KHDRBS3: variants seen among roughly 807,000 people sequenced by gnomAD.
The protein encoded by KHDRBS3 is KH domain-containing, RNA-binding, signal transduction-associated protein 3.
In KHDRBS3, 23 loss-of-function variants were observed where a neutral mutation model predicts 45.6. The ratio of observed to expected loss-of-function variants is 0.50; its 90% CI spans 0.36 to 0.72. The LOEUF is 0.72. Ranked by LOEUF, KHDRBS3 falls within the 30% of genes least tolerant of loss-of-function variation. The pLI, the probability that KHDRBS3 is intolerant of heterozygous loss-of-function variation, is 0.00. For missense variants in KHDRBS3, 352 were observed against 424.8 expected (o/e 0.83, Z 1.51); for synonymous variants, 162 against 156.5 (o/e 1.04, Z -0.26).
intron 1 of KHDRBS3, among the ~76,000 whole-genome samples, chr8:135,486,444 G>A (rs1459067018): frequency 6.6e-6 from 1 of 152,160 alleles, no homozygotes; most frequent in Non-Finnish European, 1.5e-5. Flanking sequence ...GGGAGATGAG[G>A]GAAATTTACA....
chr8:135,512,113 G>A (rs969103598), intron 1 of KHDRBS3, among the ~76,000 whole-genome samples: 3 of 152,194 alleles, frequency 2.0e-5, no homozygotes, highest in Admixed American at 6.5e-5. Flanking sequence ...TGAGGATTCA[G>A]TTAGGTTTGG....
At chr8:135,515,193 C>A (rs11786668) in intron 1 of KHDRBS3, among the ~76,000 whole-genome samples, 1 of 151,224 alleles carries the variant, frequency 6.6e-6, no homozygotes, top group East Asian at 2.0e-4. Flanking sequence ...GGTGAAACGC[C>A]GTCTCTACTA....
chr8:135,468,371 G>T (rs1821805335), intron 1 of KHDRBS3, among the ~76,000 whole-genome samples: 1 of 152,210 alleles, frequency 6.6e-6, no homozygotes, highest in Admixed American at 6.5e-5. Context: ...CAAGATCTGG[G>T]TGCTGGTAGT....
intron 4 of KHDRBS3, among the ~76,000 whole-genome samples, chr8:135,553,537 G>A (rs1345089161): frequency 6.6e-6 from 1 of 151,832 alleles, no homozygotes; most frequent in Non-Finnish European, 1.5e-5. Context: ...TATTTAATTG[G>A]CCCTCAAATA....
chr8:135,533,218 A>T (rs1825569146), intron 2 of KHDRBS3, among the ~76,000 whole-genome samples: 1 of 152,196 alleles, frequency 6.6e-6, no homozygotes, highest in Admixed American at 6.5e-5. Flanking sequence ...ATATTACTGC[A>T]AAAGACACTG....
intron 5 of KHDRBS3, among the ~76,000 whole-genome samples, chr8:135,562,015 A>C (rs889977130): frequency 1.3e-5 from 2 of 152,220 alleles, no homozygotes; most frequent in Admixed American, 1.3e-4. Flanking sequence ...AATTTTAAAA[A>C]ATTACAGTAA....
At chr8:135,488,412 T>C (rs764962736) in intron 1 of KHDRBS3, among the ~76,000 whole-genome samples, 8 of 152,184 alleles carry the variant, frequency 5.3e-5, no homozygotes, top group Non-Finnish European at 8.8e-5. Context: ...AACTGTCTTA[T>C]TGTGAATAGA....
At chr8:135,471,033 A>G (rs1821989644) in intron 1 of KHDRBS3, among the ~76,000 whole-genome samples, 1 of 152,250 alleles carries the variant, frequency 6.6e-6, no homozygotes, top group African/African-American at 2.4e-5. Context: ...AAAGTTAATT[A>G]GGTGAGTAGG....
At chr8:135,537,930 T>G (rs146508594) in intron 2 of KHDRBS3, among the ~76,000 whole-genome samples, 1 of 152,092 alleles carries the variant, frequency 6.6e-6, no homozygotes, top group Non-Finnish European at 1.5e-5. Flanking sequence ...AATCAGGACA[T>G]GGATAAGGGG....
At chr8:135,553,264 T>G (rs553747759) in intron 4 of KHDRBS3, among the ~76,000 whole-genome samples, 1 of 152,186 alleles carries the variant, frequency 6.6e-6, no homozygotes, top group Non-Finnish European at 1.5e-5. Context: ...ATATATTATA[T>G]TTTCAGTTTA....
rs150971318 is a variant in KHDRBS3, at chr8:135,581,931, C to T, written c.665C>T (p.Thr222Met). The change falls in exon 6 of 9, where the codon ACG becomes ATG. Residue 222 changes from threonine to methionine, a missense_variant. By Grantham distance (81) the Thr-to-Met change is moderately conservative. Around this residue, in one of 6 missense-constraint regions of KHDRBS3, gnomAD observed 212 missense variants for 209.6 expected, o/e 1.01. Transcript: ENST00000355849. ...GTTGGAGTTGTAGTACCACGAGGGA[C>T]GCCAACTCCCAGAGGAGTCCTGTCC... is the stretch of plus-strand genomic sequence containing the variant. ...RPVGVVVPRG[T>M]PTPRGVLSTR... is the part of the protein sequence containing the mutation. The T allele has an allele frequency of 1.3e-4, 209 of 1,611,792 alleles. No individual in the cohort carries two copies. The highest frequency in any genetic ancestry group is 1.9e-5 in the Non-Finnish European group (22 of 1,178,678).
At chr8:135,617,788 T>A (rs1480151626) in intron 7 of KHDRBS3, among the ~76,000 whole-genome samples, 1 of 152,192 alleles carries the variant, frequency 6.6e-6, no homozygotes, top group East Asian at 1.9e-4. Flanking sequence ...TCTGAGAACG[T>A]CTCCAGTCAA....
At chr8:135,621,745 A>T (rs1830152140) in intron 7 of KHDRBS3, among the ~76,000 whole-genome samples, 1 of 151,126 alleles carries the variant, frequency 6.6e-6, no homozygotes, top group South Asian at 2.1e-4. Flanking sequence ...GAAGAGATTG[A>T]CTTGGTGTGC....
intron 5 of KHDRBS3, among the ~76,000 whole-genome samples, chr8:135,573,529 G>A (rs1827806473): frequency 6.6e-6 from 1 of 152,154 alleles, no homozygotes; most frequent in Non-Finnish European, 1.5e-5. Flanking sequence ...AAACATCGCA[G>A]CTATTCTGCC....
intron 2 of KHDRBS3, 169 bp from the exon 3 acceptor site, chr8:135,542,485 C>T (rs984656238): frequency 1.9e-6 from 1 of 513,076 alleles, no homozygotes; most frequent in South Asian, 3.5e-5. Context: ...CGTTTAGCCC[C>T]GTTTTATGTG....
chr8:135,588,888 A>C lies in KHDRBS3; in HGVS notation c.807+6815A>C, dbSNP rs560767671. ...CACTTTGAAAGCTGTGATATAGACC[A>C]ACACAAAGGGCCTCATTCTTCCCCA... On this transcript the variant is annotated intron_variant, in intron 6 of 8. Coordinates refer to ENST00000355849, the MANE Select transcript of KHDRBS3 (RefSeq NM_006558.3). 3.3e-5 allele frequency among the ~76,000 whole-genome samples: 5 copies of C among 152,286 alleles called. No individual in the cohort carries two copies. The South Asian group carries it at 1.0e-3, about 32-fold the overall frequency.
At chr8:135,624,362 C>G (rs1260004564) in intron 7 of KHDRBS3, among the ~76,000 whole-genome samples, 1 of 152,166 alleles carries the variant, frequency 6.6e-6, no homozygotes, top group Non-Finnish European at 1.5e-5. Flanking sequence ...ATTCAAATCC[C>G]AGAGATGTGG....
intron 1 of KHDRBS3, among the ~76,000 whole-genome samples, chr8:135,474,485 C>T (rs957679743): frequency 1.3e-5 from 2 of 152,118 alleles, no homozygotes; most frequent in Non-Finnish European, 2.9e-5. Flanking sequence ...CTGTGCTATG[C>T]GTTATCTCTT....
chr8:135,491,229 C>T (rs574243650), intron 1 of KHDRBS3, among the ~76,000 whole-genome samples: 1 of 151,988 alleles, frequency 6.6e-6, no homozygotes, highest in African/African-American at 2.4e-5. Flanking sequence ...TCTCTTTCAC[C>T]TTTCTTGAGA....
Sources: gnomAD v4.1 joint callset for allele counts (sites outside exome capture counted in the v4.1 genomes callset) on GRCh38, gnomAD v4.1.1 for gene constraint, gnomAD v4.1.1 regional missense constraint, MANE v1.5 for transcripts, NCBI Gene and HGNC (gene_info 2026-07-23, HGNC 2026-07-21) for gene names.